MAST2: variants seen among roughly 807,000 people sequenced by gnomAD.
MAST2 encodes the protein microtubule-associated serine/threonine-protein kinase 2.
A neutral mutation model predicts 147.4 loss-of-function variants in MAST2; 70 were observed. The ratio of observed to expected loss-of-function variants is 0.47; its 90% CI spans 0.39 to 0.58. The LOEUF is 0.58. Ranked by LOEUF, MAST2 falls within the 20% of genes least tolerant of loss-of-function variation. The pLI, the probability that MAST2 is intolerant of heterozygous loss-of-function variation, is 0.00. For synonymous variants in MAST2, 869 were observed against 896.8 expected (o/e 0.97, Z 0.55); for missense variants, 2,080 against 2,302.3 (o/e 0.90, Z 1.98).
At chr1:45,822,903 T>TTAAGTTCCTGTTCCCCGTC (rs1644679918) in intron 1 of MAST2, among the ~76,000 whole-genome samples, 1 of 152,302 alleles carries the variant, frequency 6.6e-6, no homozygotes, top group East Asian at 1.9e-4. Context: ...TGTTTTTGCA[T>TTAAGTTCCTGTTCCCCGTC]TAAGTTCTAT....
intron 3 of MAST2, among the ~76,000 whole-genome samples, chr1:45,865,723 T>A (rs1449230640): frequency 1.3e-5 from 2 of 152,188 alleles, no homozygotes; most frequent in African/African-American, 2.4e-5. Context: ...TAACAGTGAA[T>A]GAAAATAGAC....
intron 4 of MAST2, among the ~76,000 whole-genome samples, chr1:45,905,103 A>C (rs1213488937): frequency 1.3e-5 from 2 of 150,566 alleles, no homozygotes; most frequent in East Asian, 4.0e-4. Context: ...GAGCCAGCGC[A>C]CCTGGTCACA....
chr1:45,920,182 A>G (rs1653229272), intron 4 of MAST2, among the ~76,000 whole-genome samples: 2 of 152,204 alleles, frequency 1.3e-5, no homozygotes, highest in South Asian at 2.1e-4. Context: ...TGAAGAGGGT[A>G]CCTGCTCATG....
chr1:45,974,137 A>G (rs1468547375), intron 5 of MAST2, among the ~76,000 whole-genome samples: 2 of 152,232 alleles, frequency 1.3e-5, no homozygotes, highest in African/African-American at 2.4e-5. Flanking sequence ...TGGCTGGCAC[A>G]GTGTCCTTCT....
At chr1:45,808,759 A>G (rs919646678) in intron 1 of MAST2, among the ~76,000 whole-genome samples, 5 of 152,184 alleles carry the variant, frequency 3.3e-5, no homozygotes, top group African/African-American at 1.2e-4. Flanking sequence ...CTCCCTGGCT[A>G]ATGGTAAGTG....
chr1:45,827,110 G>A (rs1644818326), intron 2 of MAST2, among the ~76,000 whole-genome samples: 1 of 152,152 alleles, frequency 6.6e-6, no homozygotes, highest in African/African-American at 2.4e-5. Flanking sequence ...TTACAGGCGG[G>A]AGCCACCACG....
At chr1:45,975,628 C>T (rs1422761577) in intron 5 of MAST2, among the ~76,000 whole-genome samples, 2 of 149,582 alleles carry the variant, frequency 1.3e-5, no homozygotes, top group South Asian at 2.1e-4. Flanking sequence ...GCCGCGGTCA[C>T]GCCACTGCAC....
At position 46,023,400 on chromosome 1, in the gene MAST2, AG is replaced by A; in HGVS notation, c.1571+83del. On this transcript the variant is annotated intron_variant, in intron 14 of 28. Coordinates refer to ENST00000361297, the MANE Select transcript of MAST2 (RefSeq NM_015112.3). This position sits in a 1 kb window ranked among gnomAD's most constrained non-coding sequence, Gnocchi z 4.9. ...TTCCATGTGAGAGTGTATGCTGCCC[AG>A]TCCTCTGGGCAGATGCCTCGGGGTG... 7.5e-7 allele frequency: 1 copy of A among 1,335,720 alleles called. No homozygotes were observed. Among genetic ancestry groups the A allele is most frequent in the South Asian group, 1.2e-5 (1 of 85,414 alleles). 82.7% of individuals were successfully genotyped at this position (1,335,720 alleles called of 1,614,324 possible). A position where few individuals can be genotyped will look rare whatever the true frequency, so the allele number is the denominator to read the frequency against.
Position 46,001,111 on chromosome 1 carries a change from C to T in MAST2, c.669-1694C>T, listed in dbSNP as rs1268638501. The T allele has an allele frequency of 2.1e-5, 14 of 674,624 alleles. No homozygotes were observed. The Admixed American group carries it at 3.4e-4, about 16-fold the overall frequency. 41.8% of individuals were successfully genotyped at this position (674,624 alleles called of 1,614,324 possible). A position where few individuals can be genotyped will look rare whatever the true frequency, so the allele number is the denominator to read the frequency against. Reference sequence around the variant, plus strand: ...TCTGACTGTGGGTATGAACATTGGGCCTTTCATGTCTTGCAAAGAGGCCCA... The same window carrying T: ...TCTGACTGTGGGTATGAACATTGGGTCTTTCATGTCTTGCAAAGAGGCCCA... On this transcript the variant is annotated intron_variant, in intron 6 of 28. Transcript: ENST00000361297.
At chr1:45,985,575 T>C (rs761131572) in intron 5 of MAST2, among the ~76,000 whole-genome samples, 1 of 152,242 alleles carries the variant, frequency 6.6e-6, no homozygotes, top group Non-Finnish European at 1.5e-5. Context: ...AATGGAGTTA[T>C]ATAGTATGTA....
At chr1:45,889,433 T>C (rs1172746383) in intron 4 of MAST2, among the ~76,000 whole-genome samples, 2 of 152,114 alleles carry the variant, frequency 1.3e-5, no homozygotes, top group African/African-American at 4.8e-5. Context: ...ACTACCTGCC[T>C]TCCTCGGCCT....
In MAST2 at chr1:46,023,732, C is replaced by T; in HGVS notation, c.1572-40C>T. On this transcript the variant is annotated intron_variant, in intron 14 of 28. Coordinates refer to ENST00000361297, the MANE Select transcript of MAST2 (RefSeq NM_015112.3). The surrounding 1 kb of genome is among the most constrained non-coding windows in gnomAD (Gnocchi z 4.9). ...GGTGGCAGAGAGCACAGCTCAGGTGCTGAGGGTCCATGGGGGATGGGCCGG... is the reference window on the plus strand; with the variant it reads ...GGTGGCAGAGAGCACAGCTCAGGTGTTGAGGGTCCATGGGGGATGGGCCGG... The T allele has an allele frequency of 6.3e-7, 1 of 1,590,078 alleles. No homozygotes were observed. The highest frequency in any genetic ancestry group is 2.3e-5 in the East Asian group (1 of 44,418).
intron 3 of MAST2, among the ~76,000 whole-genome samples, chr1:45,854,533 T>G (rs1277495464): frequency 6.6e-6 from 1 of 152,166 alleles, no homozygotes; most frequent in Admixed American, 6.6e-5. Context: ...TAGTGATTTT[T>G]TTTCTTTCTA....
chr1:46,012,821 C>T (rs866142888), intron 10 of MAST2, among the ~76,000 whole-genome samples: 209 of 151,700 alleles, frequency 1.4e-3, no homozygotes, highest in African/African-American at 4.7e-3. Flanking sequence ...AAAGTGAGAC[C>T]CCATCTCTAC....
chr1:45,856,522 C>T (rs1236265517), intron 3 of MAST2, among the ~76,000 whole-genome samples: 5 of 152,000 alleles, frequency 3.3e-5, no homozygotes, highest in Non-Finnish European at 7.4e-5. Flanking sequence ...ACTTGCATGC[C>T]TTGTAAGTTT....
intron 28 of MAST2, 57 bp downstream of exon 28, chr1:46,034,323 G>C (rs1646808447): frequency 1.3e-6 from 2 of 1,530,582 alleles, no homozygotes; most frequent in South Asian, 1.3e-5. Flanking sequence ...AAAGTTCCTA[G>C]GCCCTGTGTG....
rs1257488080 is a variant in MAST2, at chr1:45,861,018, A to AG, written c.469-21344dup. 3.3e-5 allele frequency among the ~76,000 whole-genome samples: 5 copies of AG among 152,286 alleles called. No individual in the cohort carries two copies. The East Asian group carries it at 9.6e-4, about 29-fold the overall frequency. ...GTTCCTTCACTAAAATCGTAACTCTAGGTAACCTCCTCACTACAACCTGAT... is the reference window on the plus strand; with the variant it reads ...GTTCCTTCACTAAAATCGTAACTCTAGGGTAACCTCCTCACTACAACCTGAT... On this transcript the variant is annotated intron_variant, in intron 3 of 28. Transcript: ENST00000361297.
At chr1:45,908,469 G>GGT (rs946498728) in intron 4 of MAST2, among the ~76,000 whole-genome samples, 3 of 151,920 alleles carry the variant, frequency 2.0e-5, no homozygotes, top group Non-Finnish European at 4.4e-5. Context: ...TCCATAATTT[G>GGT]GTGTGTGTGT....
In MAST2 at chr1:46,002,749, T is replaced by TCAC. The variant is rs1645324251; in HGVS notation, c.669-56_669-55insCAC. ...AAATGCTGATGAACAGACAGGCAGG[T>TCAC]TGTGGGTCAGGGTGTAGTCCTGCAG... is the stretch of plus-strand genomic sequence containing the variant. On this transcript the variant is annotated intron_variant, in intron 6 of 28. Transcript: ENST00000361297. 4.7e-6 allele frequency: 7 copies of TCAC among 1,504,878 alleles called. No individual in the cohort carries two copies. In the South Asian group the frequency reaches 7.9e-5, roughly 17 times the overall value. 93.2% of individuals were successfully genotyped at this position (1,504,878 alleles called of 1,614,324 possible). A position where few individuals can be genotyped will look rare whatever the true frequency, so the allele number is the denominator to read the frequency against.
Sources: allele counts gnomAD v4.1 joint callset (sites outside exome capture counted in the v4.1 genomes callset), GRCh38; gene constraint gnomAD v4.1.1; non-coding constraint Gnocchi (gnomAD v3.1); transcripts MANE v1.5; gene names NCBI Gene and HGNC (gene_info 2026-07-23, HGNC 2026-07-21).